SCNN1A: variants seen among roughly 807,000 people sequenced by gnomAD.
The protein encoded by SCNN1A is epithelial sodium channel subunit alpha.
In SCNN1A, 65 loss-of-function variants were observed where a neutral mutation model predicts 68.6. The observed-to-expected ratio is 0.95, with a 90% CI of 0.78 to 1.16. SCNN1A has a LOEUF of 1.16. Ranked by LOEUF, SCNN1A falls within the 50% of genes most tolerant of loss-of-function variation. SCNN1A has a pLI of 0.00. For missense variants in SCNN1A, 880 were observed against 865.9 expected, an observed-to-expected ratio of 1.02 and a Z score of -0.20; for synonymous variants, 357 against 353.3, an observed-to-expected ratio of 1.01 and a Z score of -0.12.
Position 6,374,607 on chromosome 12 carries a change from G to A in SCNN1A, c.177C>T (p.Phe59=), listed in dbSNP as rs560437072. The change falls in exon 2 of 13, where the codon TTC becomes TTT. Residue 59 remains phenylalanine, a synonymous_variant. Transcript: ENST00000228916. The surrounding 1 kb of genome is among the most constrained non-coding windows in gnomAD (Gnocchi z 6.2). ...IEFHRSYREL[F]EFFCNNTTIH... The stretch of plus-strand genomic sequence containing the variant: ...TGGTGGTGTTGTTGCAGAAGAACTC[G>A]AAGAGCTCTCGGTAGGAGCGGTGGA... 6.2e-6 allele frequency: 10 copies of A among 1,613,938 alleles called. No individual in the cohort carries two copies. The highest frequency in any genetic ancestry group is 4.4e-5 in the South Asian group (4 of 91,080).
intron 8 of SCNN1A, among the ~76,000 whole-genome samples, chr12:6,354,203 C>T (rs977194741): frequency 2.6e-5 from 4 of 151,786 alleles, no homozygotes; most frequent in Middle Eastern, 3.4e-3. Context: ...TGCTCTCCAG[C>T]CTGGGTGACA....
intron 1 of SCNN1A, 112 bp downstream of exon 1, chr12:6,375,393 A>AGGGCTCCAGGAGGTCTGGGC: frequency 6.7e-7 from 1 of 1,489,944 alleles, no homozygotes. Flanking sequence ...CCAGGACTGC[A>AGGGCTCCAGGAGGTCTGGGC]GGGCTCCAGG....
rs773959273 is a variant in SCNN1A at position 6,346,897 on chromosome 12, T to C, written c.*976A>G. On this transcript the variant is annotated 3_prime_UTR_variant, in exon 13 of 13. Transcript: ENST00000228916. ...TCCTGCCTACTTGCTCCAAGCAGGA[T>C]GATGGGCTAGACATGGAGCATACAT... The C allele has an allele frequency of 6.6e-6, 1 of 152,532 alleles. No homozygotes were observed. The highest frequency in any genetic ancestry group is 1.5e-5 in the Non-Finnish European group (1 of 68,044). The allele number at this position is 152,532 out of a possible 1,614,324, so 9.4% of individuals were successfully genotyped here. A position where few individuals can be genotyped will look rare whatever the true frequency, so the allele number is the denominator to read the frequency against.
At chr12:6,376,348 C>T (rs1247639157), upstream of SCNN1A, 5 of 203,006 alleles carry the variant, frequency 2.5e-5, no homozygotes, top group Admixed American at 3.3e-4. Context: ...ACACTGTTGG[C>T]TGCCAGGCCA....
chr12:6,364,839 T>C (rs1592077671), intron 2 of SCNN1A, among the ~76,000 whole-genome samples: 1 of 152,046 alleles, frequency 6.6e-6, no homozygotes, highest in Non-Finnish European at 1.5e-5. Flanking sequence ...AACAGAAAAT[T>C]GGAAAACCAG....
chr12:6,349,877 C>T lies in SCNN1A; in HGVS notation c.1361-472G>A, dbSNP rs999766725. On this transcript the variant is annotated intron_variant, in intron 8 of 12. Transcript: ENST00000228916. ...GAGTAGCTGGGACTACAGGCGCCCG[C>T]CACCACGCCCGGCTAATTTTTCGTA... The T allele has an allele frequency of 1.8e-5, 3 of 169,106 alleles. No homozygotes were observed. The South Asian group carries it at 3.5e-4, about 20-fold the overall frequency. The allele number at this position is 169,106 out of a possible 1,614,324, so 10.5% of individuals were successfully genotyped here.
intron 8 of SCNN1A, among the ~76,000 whole-genome samples, chr12:6,350,583 T>C (rs974674324): frequency 1.3e-5 from 2 of 152,152 alleles, no homozygotes; most frequent in African/African-American, 4.8e-5. Flanking sequence ...ACGCCTGTAA[T>C]ACCAACACTT....
chr12:6,354,921 C>T, intron 6 of SCNN1A, 73 bp from the exon 7 acceptor site: 1 of 1,271,036 alleles, frequency 7.9e-7, no homozygotes, highest in Non-Finnish European at 1.1e-6. Context: ...TCCCTCAGTT[C>T]CAGGTTGTAT....
At chr12:6,367,282 C>T (rs555512006) in intron 2 of SCNN1A, among the ~76,000 whole-genome samples, 1 of 152,238 alleles carries the variant, frequency 6.6e-6, no homozygotes, top group South Asian at 2.1e-4. Flanking sequence ...ATTTATTGAG[C>T]ACTTACTATG....
chr12:6,377,192 C>T (rs979569727), upstream of SCNN1A: 11 of 1,461,078 alleles, frequency 7.5e-6, no homozygotes, highest in East Asian at 2.5e-5. Context: ...CAGTCTCTTG[C>T]GACTTCTTAA....
At chr12:6,373,374 A>C (rs1331751406) in intron 2 of SCNN1A, among the ~76,000 whole-genome samples, 1 of 152,178 alleles carries the variant, frequency 6.6e-6, no homozygotes, top group Admixed American at 6.5e-5. Context: ...AGTGTGCCAC[A>C]GTTACTGGCT....
At chr12:6,356,695 G>A (rs1948503617) in intron 4 of SCNN1A, among the ~76,000 whole-genome samples, 1 of 152,210 alleles carries the variant, frequency 6.6e-6, no homozygotes, top group Non-Finnish European at 1.5e-5. Context: ...CAAATCACAG[G>A]TTCCAGAACA....
chr12:6,355,930 A>AG, intron 4 of SCNN1A, 50 bp from the exon 5 acceptor site: 1 of 1,127,114 alleles, frequency 8.9e-7, no homozygotes, highest in Non-Finnish European at 1.4e-6. Flanking sequence ...TAGGTGGTGC[A>AG]GGGAATAGGG....
intron 2 of SCNN1A, among the ~76,000 whole-genome samples, chr12:6,366,698 G>A (rs978493937): frequency 2.6e-4 from 39 of 152,168 alleles, no homozygotes; most frequent in Admixed American, 2.6e-3. Context: ...TACTCGGGAG[G>A]CTGAGGCAGG....
intron 2 of SCNN1A, among the ~76,000 whole-genome samples, chr12:6,373,666 G>T (rs1948836772): frequency 6.6e-6 from 1 of 152,196 alleles, no homozygotes; most frequent in Non-Finnish European, 1.5e-5. Flanking sequence ...AAACCCAAAA[G>T]TTCAGGACAC....
chr12:6,353,263 G>A (rs568346430), intron 8 of SCNN1A, among the ~76,000 whole-genome samples: 4 of 152,136 alleles, frequency 2.6e-5, no homozygotes, highest in Non-Finnish European at 5.9e-5. Context: ...TCCAATACAT[G>A]TATTTGATTT....
Position 6,347,954 on chromosome 12 carries a change from G to A in SCNN1A, c.1929C>T (p.Ala643=). 1 of 1,568,276 alleles carries A rather than the reference G, an allele frequency of 6.4e-7. No homozygotes were observed. The highest frequency in any genetic ancestry group is 8.7e-7 in the Non-Finnish European group (1 of 1,152,554). Residue 643 remains alanine, a synonymous_variant, in exon 13 of 13, where the codon GCC becomes GCT. Transcript: ENST00000228916. The part of the protein sequence containing the change: ...PSPALTAPPP[A]YATLGPRPSP... ...ATGGGCGGGGGCCCAGGGTGGCATA[G>A]GCAGGGGGAGGGGCTGTCAAGGCTG...
Position 6,355,424 on chromosome 12 carries a change from T to A in SCNN1A, c.991A>T (p.Met331Leu), listed in dbSNP as rs757735280. ...MPGINNGLSL[M>L]LRAEQNDFIP... ...AAGTCATTCTGCTCTGCGCGCAGCA[T>A]CAGGGACAGACCTAGGGGTGCAGAG... The change falls in exon 6 of 13, where the codon ATG becomes TTG. Residue 331 changes from methionine to leucine, a missense_variant. Around this residue, in one of 3 missense-constraint regions of SCNN1A, gnomAD observed 758 missense variants for 721.8 expected, o/e 1.05. Transcript: ENST00000228916. The A allele has an allele frequency of 1.2e-5, 20 of 1,613,822 alleles. No homozygotes were observed. In the South Asian group the frequency reaches 1.8e-4, roughly 14 times the overall value.
chr12:6,348,681 A>T, intron 12 of SCNN1A, 46 bp downstream of exon 12: 1 of 1,524,596 alleles, frequency 6.6e-7, no homozygotes. Context: ...CGCCCTGCTA[A>T]GTAAGACCCC....
Sources: allele counts gnomAD v4.1 joint callset (sites outside exome capture counted in the v4.1 genomes callset), GRCh38; gene constraint gnomAD v4.1.1; regional missense constraint gnomAD v4.1.1; non-coding constraint Gnocchi (gnomAD v3.1); transcripts MANE v1.5; gene names NCBI Gene and HGNC (gene_info 2026-07-23, HGNC 2026-07-21).